Variants in CNTLN observed in about 807,000 individuals in gnomAD.
CNTLN encodes the protein centlein.
CNTLN carries 212 observed loss-of-function variants against 180.0 expected under a neutral mutation model. The observed-to-expected ratio is 1.18, with a 90% CI of 1.05 to 1.32. The LOEUF (loss-of-function observed/expected upper bound fraction) is 1.32. CNTLN is among the 40% of genes most tolerant of loss of function. The pLI is 0.00. For synonymous variants in CNTLN, 722 were observed against 563.1 expected (o/e 1.28, Z -3.99); for missense variants, 2,095 against 1,610.9 (o/e 1.30, Z -5.14).
At chr9:17,379,689 T>C (rs1260840766) in intron 13 of CNTLN, among the ~76,000 whole-genome samples, 1 of 152,210 alleles carries the variant, frequency 6.6e-6, no homozygotes. Context: ...ACTTTTCTTC[T>C]TATTGAACAT....
intron 15 of CNTLN, among the ~76,000 whole-genome samples, chr9:17,399,813 C>T (rs1001365673): frequency 3.3e-5 from 5 of 152,148 alleles, no homozygotes; most frequent in Non-Finnish European, 5.9e-5. Context: ...AGGAAAGGAA[C>T]GTCCTTATCT....
intron 12 of CNTLN, among the ~76,000 whole-genome samples, chr9:17,343,998 G>C (rs1269921211): frequency 2.0e-5 from 3 of 152,124 alleles, no homozygotes; most frequent in African/African-American, 7.2e-5. Flanking sequence ...CATCCATGTT[G>C]TAAATGTATC....
At chr9:17,292,040 T>C (rs1401437444) in intron 6 of CNTLN, among the ~76,000 whole-genome samples, 1 of 152,194 alleles carries the variant, frequency 6.6e-6, no homozygotes, top group African/African-American at 2.4e-5. Context: ...AAGTATTTTA[T>C]TTTTCCTTAG....
chr9:17,380,750 A>G (rs1825181835), intron 13 of CNTLN, among the ~76,000 whole-genome samples: 1 of 152,216 alleles, frequency 6.6e-6, no homozygotes, highest in Non-Finnish European at 1.5e-5. Flanking sequence ...GTATCAGACA[A>G]TGCAAGAAAC....
intron 23 of CNTLN, among the ~76,000 whole-genome samples, chr9:17,468,325 A>G (rs1480231777): frequency 6.6e-6 from 1 of 151,632 alleles, no homozygotes. Context: ...TAGTATGTAC[A>G]TGAAACCCCT....
At chr9:17,143,988 A>G (rs1818280945) in intron 2 of CNTLN, among the ~76,000 whole-genome samples, 1 of 152,214 alleles carries the variant, frequency 6.6e-6, no homozygotes, top group Admixed American at 6.5e-5. Context: ...GACACTTAGC[A>G]CAGCAATGAA....
chr9:17,391,268 C>T (rs1330797548), intron 14 of CNTLN, among the ~76,000 whole-genome samples: 1 of 152,262 alleles, frequency 6.6e-6, no homozygotes, highest in South Asian at 2.1e-4. Context: ...CAGGACCCCT[C>T]TGGAATGAAA....
At chr9:17,366,850 A>C (rs1823864982) in intron 13 of CNTLN, 133 bp downstream of exon 13, 1 of 543,652 alleles carries the variant, frequency 1.8e-6, no homozygotes, top group Non-Finnish European at 3.3e-6. Flanking sequence ...TTGATAACTC[A>C]CTAACATTTT....
At chr9:17,218,427 T>G (rs59047675) in intron 2 of CNTLN, among the ~76,000 whole-genome samples, 51,071 of 151,826 alleles carry the variant, frequency 0.34, 10,897 homozygotes, top group East Asian at 0.61. Context: ...TTTATTATTG[T>G]TATATTGTTT....
chr9:17,469,769 T>C (rs1415754898), intron 23 of CNTLN, among the ~76,000 whole-genome samples: 1 of 151,856 alleles, frequency 6.6e-6, no homozygotes, highest in Non-Finnish European at 1.5e-5. Context: ...CAGATTTAAC[T>C]CTGGGCCTTT....
rs190353165 is a variant in CNTLN, at chr9:17,408,691, C to T, written c.2616-602C>T. On this transcript the variant is annotated intron_variant, in intron 15 of 25. Transcript: ENST00000380647. ...TGATGGGCGCCTGTAGTCCCAGCTA[C>T]TTGGGATGCTGAGTCAGGAGAATGG... is the stretch of plus-strand genomic sequence containing the variant. Among the ~76,000 whole-genome samples, 1,218 of 151,856 alleles carry T rather than the reference C, an allele frequency of 8.0e-3. 12 individuals carry two copies. Among genetic ancestry groups the T allele is most frequent in the Non-Finnish European group, 0.012 (826 of 67,966 alleles).
At chr9:17,444,264 T>C (rs1387763329) in intron 18 of CNTLN, 1 of 152,232 alleles carries the variant, frequency 6.6e-6, no homozygotes, top group Non-Finnish European at 1.5e-5. Flanking sequence ...TACATTCTTA[T>C]AGCTCTACCT....
intron 19 of CNTLN, among the ~76,000 whole-genome samples, chr9:17,460,609 T>C (rs1426103803): frequency 6.6e-6 from 1 of 151,764 alleles, no homozygotes; most frequent in Non-Finnish European, 1.5e-5. Context: ...TCAAATGAAA[T>C]AGCTGTTAGA....
chr9:17,300,759 T>C (rs543532394), intron 7 of CNTLN: 1 of 156,914 alleles, frequency 6.4e-6, no homozygotes, highest in Admixed American at 6.5e-5. Flanking sequence ...GTTCCGACTC[T>C]ACATTACCTC....
chr9:17,145,811 C>T (rs544898909), intron 2 of CNTLN, among the ~76,000 whole-genome samples: 1 of 152,206 alleles, frequency 6.6e-6, no homozygotes, highest in African/African-American at 2.4e-5. Context: ...GGATTATTTT[C>T]AAGTATTTTT....
chr9:17,315,420 C>G (rs966086498), intron 8 of CNTLN, among the ~76,000 whole-genome samples: 1 of 151,966 alleles, frequency 6.6e-6, no homozygotes, highest in Non-Finnish European at 1.5e-5. Context: ...TTTTTGGTTT[C>G]TAGCAGTTTT....
intron 3 of CNTLN, among the ~76,000 whole-genome samples, chr9:17,228,602 T>G (rs1824621814): frequency 6.6e-6 from 1 of 152,082 alleles, no homozygotes; most frequent in East Asian, 1.9e-4. Flanking sequence ...AATTGCCATA[T>G]TCTCCTACAC....
At chr9:17,270,064 A>T (rs1006556116) in intron 5 of CNTLN, among the ~76,000 whole-genome samples, 3 of 152,046 alleles carry the variant, frequency 2.0e-5, no homozygotes, top group African/African-American at 7.2e-5. Context: ...TTTTGGTGGA[A>T]GATCATATTG....
At chr9:17,315,114 T>G (rs1819454904) in intron 8 of CNTLN, among the ~76,000 whole-genome samples, 1 of 152,192 alleles carries the variant, frequency 6.6e-6, no homozygotes, top group Admixed American at 6.5e-5. Context: ...TATTTCCCAC[T>G]AGGATCTTTT....
Sources: gnomAD v4.1 joint callset for allele counts (sites outside exome capture counted in the v4.1 genomes callset) on GRCh38, gnomAD v4.1.1 for gene constraint, MANE v1.5 for transcripts, NCBI Gene and HGNC (gene_info 2026-07-23, HGNC 2026-07-21) for gene names.